RGS6: variants seen among roughly 807,000 people sequenced by gnomAD.
The protein encoded by RGS6 is regulator of G protein signaling 6, also known as regulator of G-protein signaling 6.
A neutral mutation model predicts 78.5 loss-of-function variants in RGS6; 30 were observed. That is an observed-to-expected ratio of 0.38 (90% CI 0.29 to 0.52). RGS6 has a LOEUF of 0.52. Ranked by LOEUF, RGS6 falls within the 20% of genes least tolerant of loss-of-function variation. The probability of loss-of-function intolerance (pLI) is 0.85; values close to 1 mark genes in which losing one functional copy is unlikely to be tolerated. For synonymous variants in RGS6, 206 were observed against 206.0 expected (o/e 1.00, Z 0.00); for missense variants, 495 against 609.7 (o/e 0.81, Z 1.98).
chr14:72,425,992 CT>C (rs1430575257), intron 3 of RGS6, among the ~76,000 whole-genome samples: 1 of 152,068 alleles, frequency 6.6e-6, no homozygotes, highest in Non-Finnish European at 1.5e-5. Context: ...TTATTTTCTT[CT>C]TTTTGCTTAG....
intron 2 of RGS6, among the ~76,000 whole-genome samples, chr14:71,987,694 A>T (rs1481488169): frequency 6.6e-6 from 1 of 151,722 alleles, no homozygotes; most frequent in East Asian, 1.9e-4. Context: ...TAATTTTTAA[A>T]CTTTTTTGTA....
intron 2 of RGS6, among the ~76,000 whole-genome samples, chr14:72,178,414 TCTC>T (rs1451120285): frequency 1.3e-5 from 2 of 152,196 alleles, no homozygotes; most frequent in Admixed American, 6.5e-5. Flanking sequence ...TCTTTCCTGA[TCTC>T]CTCCTATCCT....
At chr14:72,366,723 A>C (rs558259961) in intron 3 of RGS6, among the ~76,000 whole-genome samples, 12 of 152,162 alleles carry the variant, frequency 7.9e-5, no homozygotes, top group Non-Finnish European at 1.8e-4. Flanking sequence ...AAAGATGATC[A>C]CTGGAGCCAA....
chr14:71,936,276 A>G (rs1382362386), intron 1 of RGS6, among the ~76,000 whole-genome samples: 1 of 151,930 alleles, frequency 6.6e-6, no homozygotes, highest in Non-Finnish European at 1.5e-5. Flanking sequence ...AGCATCCAGC[A>G]TGGGAGAAAG....
chr14:72,298,775 A>G (rs983399500), intron 2 of RGS6, among the ~76,000 whole-genome samples: 4 of 152,110 alleles, frequency 2.6e-5, no homozygotes, highest in Non-Finnish European at 5.9e-5. Context: ...TGCTTGTTTC[A>G]GTGTCTGGGC....
At position 72,152,221 on chromosome 14, in the gene RGS6, T is replaced by TGA. The variant is rs1200791259; in HGVS notation, c.84+187370_84+187371dup. On this transcript the variant is annotated intron_variant, in intron 2 of 17. Transcript: ENST00000553525. ...TTCAGATATTTCAAGGGCAGCTGCA[T>TGA]GAGAGAGAGAGAGAGAGAGAGAGAG... Among the ~76,000 whole-genome samples the TGA allele has an allele frequency of 5.5e-3, 803 of 146,720 alleles. 9 individuals are homozygous for TGA. The East Asian group carries it at 0.057, about 11-fold the overall frequency.
chr14:72,262,465 G>A (rs1207652067), intron 2 of RGS6, among the ~76,000 whole-genome samples: 1 of 152,110 alleles, frequency 6.6e-6, no homozygotes, highest in African/African-American at 2.4e-5. Flanking sequence ...TTCTTCTAAA[G>A]ACACCAATGC....
At position 72,044,165 on chromosome 14, in the gene RGS6, T is replaced by C. The variant is rs79157008; in HGVS notation, c.84+79290T>C. 4.0e-3 allele frequency among the ~76,000 whole-genome samples: 616 copies of C among 152,344 alleles called. 7 individuals are homozygous for C. Among genetic ancestry groups the C allele is most frequent in the African/African-American group, 0.014 (597 of 41,588 alleles). On this transcript the variant is annotated intron_variant, in intron 2 of 17. Coordinates refer to ENST00000553525, the MANE Select transcript of RGS6 (RefSeq NM_001204424.2). ...AATTCCTTTAGATTCTCTCTTACAG[T>C]TTCCATTTCCCTGTTGACATTACCT...
chr14:72,510,284 A>T lies in RGS6; in HGVS notation c.1091+5A>T, dbSNP rs371937375. On this transcript the variant is annotated splice_donor_5th_base_variant and intron_variant, in intron 14 of 17. Transcript: ENST00000553525. ...ATTCAGTTCAGAAAACCTCAGGTAA[A>T]TCTCTCAAAGTTTGAGCTGTGTGCG... is the stretch of plus-strand genomic sequence containing the variant. 215 of 1,614,026 alleles carry T rather than the reference A, an allele frequency of 1.3e-4. No individual in the cohort carries two copies. The highest frequency in any genetic ancestry group is 1.8e-4 in the Non-Finnish European group (209 of 1,180,036).
the RGS6 span, among the ~76,000 whole-genome samples, chr14:71,919,087 G>C: frequency 6.6e-6 from 1 of 151,860 alleles, no homozygotes; most frequent in Non-Finnish European, 1.5e-5. Flanking sequence ...TTCTTCCTTT[G>C]TGCTCATGTG....
chr14:72,366,225 C>T (rs551303394), intron 3 of RGS6, among the ~76,000 whole-genome samples: 39 of 152,264 alleles, frequency 2.6e-4, no homozygotes, highest in African/African-American at 9.1e-4. Flanking sequence ...AGGACAAACT[C>T]ATAGGTGAAT....
chr14:72,390,904 C>T (rs1465714220), intron 3 of RGS6, among the ~76,000 whole-genome samples: 3 of 152,138 alleles, frequency 2.0e-5, no homozygotes, highest in Non-Finnish European at 4.4e-5. Flanking sequence ...TGACCTGACT[C>T]TCGTAAGTTT....
At chr14:72,084,398 G>A (rs2094942758) in intron 2 of RGS6, among the ~76,000 whole-genome samples, 2 of 152,318 alleles carry the variant, frequency 1.3e-5, no homozygotes, top group East Asian at 3.9e-4. Context: ...TGACCTGGAG[G>A]TTTGGGACAC....
At chr14:72,112,928 AAG>A (rs1374383337) in intron 2 of RGS6, among the ~76,000 whole-genome samples, 1 of 152,204 alleles carries the variant, frequency 6.6e-6, no homozygotes, top group African/African-American at 2.4e-5. Context: ...TGAAAATATA[AAG>A]TTCATTCCCC....
At chr14:71,987,056 CAAAT>C (rs2094744057) in intron 2 of RGS6, among the ~76,000 whole-genome samples, 1 of 152,182 alleles carries the variant, frequency 6.6e-6, no homozygotes, top group African/African-American at 2.4e-5. Context: ...TTTGCCAAGT[CAAAT>C]AACATATTTA....
intron 2 of RGS6, among the ~76,000 whole-genome samples, chr14:71,999,768 C>T (rs542301370): frequency 2.4e-4 from 24 of 100,596 alleles, no homozygotes; most frequent in East Asian, 2.3e-3. Flanking sequence ...CTTCACCTTC[C>T]GCCATGATTG....
chr14:72,097,443 G>A (rs976888294), intron 2 of RGS6, among the ~76,000 whole-genome samples: 1 of 152,180 alleles, frequency 6.6e-6, no homozygotes, highest in Non-Finnish European at 1.5e-5. Flanking sequence ...GGTCTTTGGT[G>A]GGTTTTTATG....
chr14:72,277,135 G>T (rs193204549), intron 2 of RGS6, among the ~76,000 whole-genome samples: 8 of 152,302 alleles, frequency 5.3e-5, no homozygotes, highest in African/African-American at 1.9e-4. Flanking sequence ...GCAAGTGGTG[G>T]CAAGCTGGAA....
chr14:72,307,405 C>G (rs910449142), intron 2 of RGS6, among the ~76,000 whole-genome samples: 2 of 151,990 alleles, frequency 1.3e-5, no homozygotes, highest in African/African-American at 2.4e-5. Context: ...ATGTTATTGT[C>G]AAGATTTTAA....
Sources: gnomAD v4.1 joint callset for allele counts (sites outside exome capture counted in the v4.1 genomes callset) on GRCh38, gnomAD v4.1.1 for gene constraint, MANE v1.5 for transcripts, NCBI Gene and HGNC (gene_info 2026-07-23, HGNC 2026-07-21) for gene names.